Variants in PCDHA3 observed in about 807,000 individuals in gnomAD.
PCDHA3 encodes the protein protocadherin alpha 3, also known as protocadherin alpha-3.
Under a neutral mutation model 62.2 loss-of-function variants are expected in PCDHA3, and 41 were observed. The observed-to-expected ratio is 0.66, with a 90% CI of 0.51 to 0.86. The LOEUF is 0.86. Ranked by LOEUF, PCDHA3 falls within the 40% of genes least tolerant of loss-of-function variation. The probability of loss-of-function intolerance (pLI) is 0.00; values close to 1 mark genes in which losing one functional copy is unlikely to be tolerated. For synonymous variants in PCDHA3, 640 were observed against 555.4 expected, an observed-to-expected ratio of 1.15 and a Z score of -2.14; for missense variants, 1,304 against 1,241.2, an observed-to-expected ratio of 1.05 and a Z score of -0.76.
chr5:140,850,725 G>A, intron 1 of PCDHA3: 1 of 1,597,982 alleles, frequency 6.3e-7, no homozygotes. Context: ...GTGTTCTAGC[G>A]CGGTGGGGAG....
At chr5:140,809,185 G>A (rs782384759) in intron 1 of PCDHA3, 2 of 1,614,048 alleles carry the variant, frequency 1.2e-6, no homozygotes, top group Non-Finnish European at 1.7e-6. Flanking sequence ...CCACTGTGCT[G>A]GTGTCACTTG....
chr5:140,927,309 C>T (rs2084071798), intron 1 of PCDHA3: 4 of 1,614,058 alleles, frequency 2.5e-6, no homozygotes, highest in Admixed American at 1.7e-5. Context: ...TCCTGACGCC[C>T]GGAGCCCGCT....
In PCDHA3 at chr5:140,843,325, G is replaced by T. The variant is rs2150357511; in HGVS notation, c.2394+39734G>T. ...CCGCCACGGCCACGGTTCTGGTGTC[G>T]CTGGTGGAGAGCGGCCAGGCTCCAA... On this transcript the variant is annotated intron_variant, in intron 1 of 3. Coordinates refer to ENST00000522353, the MANE Select transcript of PCDHA3 (RefSeq NM_018906.3). 5.0e-6 allele frequency: 8 copies of T among 1,596,050 alleles called. 2 individuals are homozygous for T. Among genetic ancestry groups the T allele is most frequent in the Non-Finnish European group, 6.0e-6 (7 of 1,165,566 alleles).
At chr5:140,827,132 A>G (rs1274640005) in intron 1 of PCDHA3, among the ~76,000 whole-genome samples, 1 of 152,222 alleles carries the variant, frequency 6.6e-6, no homozygotes, top group Non-Finnish European at 1.5e-5. Context: ...TTAGAAACAT[A>G]GAAAGAAGGG....
In PCDHA3 at chr5:140,875,437, C is replaced by CTGAT. The variant is rs782126939; in HGVS notation, c.2394+71849_2394+71852dup. The stretch of plus-strand genomic sequence containing the variant: ...ACCTCAGGCAAGCGATCCCTTAAAA[C>CTGAT]TGATTGTCCCAACTCAGAGGCCCTC... On this transcript the variant is annotated intron_variant, in intron 1 of 3. Transcript: ENST00000522353. 4 of 1,565,778 alleles carry CTGAT rather than the reference C, an allele frequency of 2.6e-6. No homozygotes were observed. In the South Asian group the frequency reaches 3.6e-5, roughly 14 times the overall value.
chr5:140,871,565 G>T, intron 1 of PCDHA3: 2 of 1,483,114 alleles, frequency 1.3e-6, no homozygotes, highest in South Asian at 2.7e-5. Context: ...TTTTTTTCAC[G>T]GATTTTTTAA....
intron 1 of PCDHA3, chr5:140,809,489 G>C: frequency 1.2e-6 from 2 of 1,614,246 alleles, no homozygotes; most frequent in Non-Finnish European, 8.5e-7. Context: ...ACCCAAGACC[G>C]ACCTCATGGC....
At chr5:140,856,595 A>G in intron 1 of PCDHA3, 1 of 1,597,868 alleles carries the variant, frequency 6.3e-7, no homozygotes. Context: ...TGATATTATA[A>G]ACAAAAAAGA....
In PCDHA3 at chr5:140,828,940, C is replaced by G. The variant is rs2150161042; in HGVS notation, c.2394+25349C>G. The G allele has an allele frequency of 9.3e-6, 15 of 1,614,160 alleles. No homozygotes were observed. In the South Asian group the frequency reaches 1.4e-4, roughly 15 times the overall value. Reference sequence around the variant, plus strand: ...GGGCAATTTCATATTCTTTTAATAGCCTTGTTGCAGCCATGGTTATTGACC... The same window carrying G: ...GGGCAATTTCATATTCTTTTAATAGGCTTGTTGCAGCCATGGTTATTGACC... On this transcript the variant is annotated intron_variant, in intron 1 of 3. Coordinates refer to ENST00000522353, the MANE Select transcript of PCDHA3 (RefSeq NM_018906.3).
chr5:140,809,648 G>T, intron 1 of PCDHA3: 1 of 1,499,082 alleles, frequency 6.7e-7, no homozygotes, highest in Non-Finnish European at 8.9e-7. Flanking sequence ...TTATTTCTAA[G>T]AGTCAAATTT....
intron 1 of PCDHA3, among the ~76,000 whole-genome samples, chr5:140,846,568 G>A (rs1403872525): frequency 6.7e-6 from 1 of 148,182 alleles, no homozygotes; most frequent in Non-Finnish European, 1.5e-5. Context: ...TAGAGTCGGG[G>A]TTTCACCATG....
At chr5:140,944,028 A>T (rs1341498532) in intron 1 of PCDHA3, among the ~76,000 whole-genome samples, 1 of 152,222 alleles carries the variant, frequency 6.6e-6, no homozygotes, top group African/African-American at 2.4e-5. Context: ...TATCTTCAAA[A>T]TATGGAAAAC....
chr5:140,925,108 G>GGAAGGAAGGAAGGAAGGAAGGAA (rs1554202548), intron 1 of PCDHA3, among the ~76,000 whole-genome samples: 19 of 124,700 alleles, frequency 1.5e-4, no homozygotes, highest in Middle Eastern at 4.0e-3. Context: ...GAAGGAAGGA[G>GGAAGGAAGGAAGGAAGGAAGGAA]GGAAGGAAGG....
At chr5:140,823,599 T>G (rs1554129472) in intron 1 of PCDHA3, 2 of 1,614,006 alleles carry the variant, frequency 1.2e-6, no homozygotes, top group Non-Finnish European at 1.7e-6. Flanking sequence ...GGCTTTCGTA[T>G]GAGCTGCAGC....
intron 1 of PCDHA3, chr5:140,823,698 A>G: frequency 6.2e-7 from 1 of 1,613,892 alleles, no homozygotes; most frequent in Non-Finnish European, 8.5e-7. Flanking sequence ...AGACCGAAGC[A>G]CCGCGCCACC....
chr5:140,851,794 T>C (rs2042159593), intron 1 of PCDHA3: 2 of 954,372 alleles, frequency 2.1e-6, no homozygotes. Flanking sequence ...ATTCACTTGT[T>C]CTGTCAGTAA....
At chr5:140,852,752 C>A in intron 1 of PCDHA3, 1 of 983,714 alleles carries the variant, frequency 1.0e-6, no homozygotes, top group Non-Finnish European at 1.2e-6. Context: ...TAAACTTGGA[C>A]CCAGGTATCT....
At chr5:140,884,667 G>A (rs1304262646) in intron 1 of PCDHA3, 4 of 1,568,684 alleles carry the variant, frequency 2.5e-6, no homozygotes, top group Non-Finnish European at 2.6e-6. Context: ...AAAGAGGTAA[G>A]CTTATATTTT....
At chr5:140,920,868 T>C (rs1248971730) in intron 1 of PCDHA3, among the ~76,000 whole-genome samples, 4 of 149,716 alleles carry the variant, frequency 2.7e-5, no homozygotes, top group Non-Finnish European at 1.5e-5. Context: ...ACAAACAAAC[T>C]GTGGCCCTTA....
Sources: gnomAD v4.1 joint callset for allele counts (sites outside exome capture counted in the v4.1 genomes callset) on GRCh38, gnomAD v4.1.1 for gene constraint, MANE v1.5 for transcripts, NCBI Gene and HGNC (gene_info 2026-07-23, HGNC 2026-07-21) for gene names.